The following OTOGL variants were observed in gnomAD, a reference collection of about 807,000 sequenced individuals.
OTOGL encodes the protein otogelin-like protein.
Under a neutral mutation model 318.5 loss-of-function variants are expected in OTOGL, and 285 were observed. The ratio of observed to expected loss-of-function variants is 0.89; its 90% CI spans 0.81 to 0.99. OTOGL has a LOEUF of 0.99. OTOGL is among the 50% of genes least tolerant of loss of function. The pLI, the probability that OTOGL is intolerant of heterozygous loss-of-function variation, is 0.00. For synonymous variants in OTOGL, 987 were observed against 936.5 expected (o/e 1.05, Z -0.99); for missense variants, 2,899 against 2,845.6 (o/e 1.02, Z -0.43).
At chr12:80,332,640 T>G (rs1195258131) in intron 37 of OTOGL, among the ~76,000 whole-genome samples, 5 of 152,234 alleles carry the variant, frequency 3.3e-5, no homozygotes, top group Non-Finnish European at 7.3e-5. Flanking sequence ...AAGAAGATTT[T>G]TAACTTCTGA....
At chr12:80,274,610 A>C (rs1289203373) in intron 24 of OTOGL, among the ~76,000 whole-genome samples, 1 of 152,090 alleles carries the variant, frequency 6.6e-6, no homozygotes, top group Non-Finnish European at 1.5e-5. Context: ...TACACTAAAC[A>C]ATAGATTTTC....
At position 80,219,963 on chromosome 12, in the gene OTOGL, T is replaced by G. The variant is rs1047985646; in HGVS notation, c.334+51T>G. On this transcript the variant is annotated intron_variant, in intron 6 of 58. Coordinates refer to ENST00000547103, the MANE Select transcript of OTOGL (RefSeq NM_001378609.3). Reference sequence around the variant, plus strand: ...TAATTATGAGATACCAAGGAGAAAATTAAGGCATAATTTGCTATAATAATG... The same window carrying G: ...TAATTATGAGATACCAAGGAGAAAAGTAAGGCATAATTTGCTATAATAATG... 3.0e-6 allele frequency: 4 copies of G among 1,328,262 alleles called. No homozygotes were observed. The African/African-American group carries it at 5.8e-5, about 19-fold the overall frequency. 82.3% of individuals were successfully genotyped at this position (1,328,262 alleles called of 1,614,324 possible). A position where few individuals can be genotyped will look rare whatever the true frequency, so the allele number is the denominator to read the frequency against.
chr12:80,353,262 T>C (rs1889665155), intron 45 of OTOGL, 63 bp from the exon 46 acceptor site: 1 of 1,195,482 alleles, frequency 8.4e-7, no homozygotes, highest in Non-Finnish European at 1.1e-6. Flanking sequence ...CATTTCTTTC[T>C]TTTACTAGAA....
At chr12:80,180,684 G>A (rs1874859283) in intron 1 of OTOGL, among the ~76,000 whole-genome samples, 1 of 152,172 alleles carries the variant, frequency 6.6e-6, no homozygotes. Context: ...TGTTCAGCTT[G>A]TTTTAGTGTT....
At chr12:80,254,200 A>G (rs1881819690) in intron 14 of OTOGL, among the ~76,000 whole-genome samples, 3 of 152,078 alleles carry the variant, frequency 2.0e-5, no homozygotes, top group South Asian at 2.1e-4. Context: ...TTTATCTGAC[A>G]TAAGAGGAGA....
chr12:80,110,687 A>C (rs182080263), intron 1 of OTOGL, among the ~76,000 whole-genome samples: 31 of 152,312 alleles, frequency 2.0e-4, no homozygotes, highest in African/African-American at 7.0e-4. Context: ...AGTCTCTGCT[A>C]TTGTGAATAG....
chr12:80,278,758 T>C (rs1883995101), intron 25 of OTOGL, among the ~76,000 whole-genome samples: 1 of 151,610 alleles, frequency 6.6e-6, no homozygotes, highest in South Asian at 2.1e-4. Flanking sequence ...CAGACCTGTG[T>C]TCAGTTTTTC....
chr12:80,351,504 C>T (rs181098991), intron 44 of OTOGL, among the ~76,000 whole-genome samples: 3 of 152,090 alleles, frequency 2.0e-5, no homozygotes, highest in South Asian at 2.1e-4. Flanking sequence ...TTAGTAGAGA[C>T]GGAGTTTCAC....
At chr12:80,307,097 CAT>C (rs1346888257) in intron 29 of OTOGL, among the ~76,000 whole-genome samples, 1 of 150,528 alleles carries the variant, frequency 6.6e-6, no homozygotes, top group Non-Finnish European at 1.5e-5. Flanking sequence ...GGATACAGCA[CAT>C]GTTTCAGAGA....
chr12:80,102,785 T>C, intron 1 of OTOGL: 1 of 615,384 alleles, frequency 1.6e-6, no homozygotes. Context: ...ATGGATGGAC[T>C]AGTTTCCCAG....
chr12:80,264,447 A>G (rs527269101), intron 19 of OTOGL, among the ~76,000 whole-genome samples: 1 of 152,306 alleles, frequency 6.6e-6, no homozygotes, highest in Non-Finnish European at 1.5e-5. Flanking sequence ...TATTTATCAA[A>G]CATTATTGAG....
At chr12:80,104,823 G>T (rs1364787937) in intron 1 of OTOGL, among the ~76,000 whole-genome samples, 11 of 152,046 alleles carry the variant, frequency 7.2e-5, no homozygotes, top group African/African-American at 2.4e-4. Flanking sequence ...GGCCTGGCAC[G>T]GTGGCTCATG....
intron 34 of OTOGL, among the ~76,000 whole-genome samples, chr12:80,323,243 G>T (rs537279734): frequency 6.6e-6 from 1 of 152,036 alleles, no homozygotes; most frequent in Non-Finnish European, 1.5e-5. Context: ...TTTAATCTGA[G>T]CATGAAATGC....
At chr12:80,282,591 A>G (rs1257059196) in intron 26 of OTOGL, among the ~76,000 whole-genome samples, 1 of 151,624 alleles carries the variant, frequency 6.6e-6, no homozygotes, top group Non-Finnish European at 1.5e-5. Flanking sequence ...AAGGCACACT[A>G]AAGAATACAT....
rs536425335 is a variant in OTOGL at position 80,250,924 on chromosome 12, G to T, written c.1053-769G>T. 1.4e-4 allele frequency among the ~76,000 whole-genome samples: 22 copies of T among 152,222 alleles called. No individual in the cohort carries two copies. The South Asian group carries it at 2.1e-3, about 14-fold the overall frequency. Reference sequence around the variant, plus strand: ...AGAGCTCTAATAGGAAATTATTTTGGGGGGAAGCTCCTGAAGTGATTATAA... The same window carrying T: ...AGAGCTCTAATAGGAAATTATTTTGTGGGGAAGCTCCTGAAGTGATTATAA... On this transcript the variant is annotated intron_variant, in intron 11 of 58. Coordinates refer to ENST00000547103, the MANE Select transcript of OTOGL (RefSeq NM_001378609.3).
At chr12:80,371,538 T>G (rs1292720354) in intron 56 of OTOGL, among the ~76,000 whole-genome samples, 5 of 152,126 alleles carry the variant, frequency 3.3e-5, no homozygotes, top group Non-Finnish European at 7.4e-5. Context: ...GTAATTCTTG[T>G]AAAAATTTAG....
Position 80,379,231 on chromosome 12 carries a change from G to A in OTOGL, c.*1183G>A, listed in dbSNP as rs189996230. On this transcript the variant is annotated 3_prime_UTR_variant, in exon 59 of 59. Coordinates refer to ENST00000547103, the MANE Select transcript of OTOGL (RefSeq NM_001378609.3). ...AATTTTCTCCTCAGTATAAAGGAGT[G>A]AATGCCCTACTTAGTGTAATTGTAT... 6.6e-6 allele frequency: 1 copy of A among 152,090 alleles called. No homozygotes were observed. The highest frequency in any genetic ancestry group is 1.9e-4 in the East Asian group (1 of 5,186). 9.4% of individuals were successfully genotyped at this position (152,090 alleles called of 1,614,324 possible).
intron 52 of OTOGL, among the ~76,000 whole-genome samples, chr12:80,364,568 A>G (rs1416906348): frequency 6.6e-6 from 1 of 152,004 alleles, no homozygotes; most frequent in Non-Finnish European, 1.5e-5. Context: ...GTCGTTCCTC[A>G]TTTCTCTCCA....
At chr12:80,263,696 T>TA (rs1007812786) in intron 19 of OTOGL, among the ~76,000 whole-genome samples, 4 of 150,826 alleles carry the variant, frequency 2.7e-5, no homozygotes, top group African/African-American at 9.9e-5. Context: ...GATTTTTTTT[T>TA]AAAAAAATTC....
Sources: allele counts gnomAD v4.1 joint callset (sites outside exome capture counted in the v4.1 genomes callset), GRCh38; gene constraint gnomAD v4.1.1; transcripts MANE v1.5; gene names NCBI Gene and HGNC (gene_info 2026-07-23, HGNC 2026-07-21).